Variants in COBLL1 observed in about 807,000 individuals in gnomAD.
COBLL1 encodes the protein cordon-bleu WH2 repeat protein like 1.
In COBLL1, 50 loss-of-function variants were observed where a neutral mutation model predicts 94.8. The ratio of observed to expected loss-of-function variants is 0.53; its 90% CI spans 0.42 to 0.67. COBLL1 has a LOEUF of 0.67. COBLL1 is among the 30% of genes least tolerant of loss of function. The pLI, the probability that COBLL1 is intolerant of heterozygous loss-of-function variation, is 0.00. For missense variants in COBLL1, 1,362 were observed against 1,348.7 expected (o/e 1.01, Z -0.15); for synonymous variants, 448 against 473.8 (o/e 0.95, Z 0.71).
intron 7 of COBLL1, chr2:164,718,066 A>G (rs1685263255): frequency 6.2e-6 from 1 of 161,904 alleles, no homozygotes. Flanking sequence ...TTAACCACGT[A>G]CTTCTGAAAA....
chr2:164,730,177 C>T, intron 3 of COBLL1, 62 bp from the exon 4 acceptor site: 1 of 1,364,988 alleles, frequency 7.3e-7, no homozygotes, highest in East Asian at 2.3e-5. Context: ...GAATGCTTGT[C>T]TTCAATAGAT....
chr2:164,727,088 C>T, intron 5 of COBLL1: 1 of 1,373,850 alleles, frequency 7.3e-7, no homozygotes, highest in South Asian at 1.4e-5. Context: ...TTTGTTTCTA[C>T]TGATTCATAC....
chr2:164,775,024 C>T (rs1045690801), intron 2 of COBLL1, among the ~76,000 whole-genome samples: 6 of 151,864 alleles, frequency 4.0e-5, no homozygotes, highest in Admixed American at 2.6e-4. Context: ...CAGGTTAGCA[C>T]GGCAGTACAT....
intron 2 of COBLL1, among the ~76,000 whole-genome samples, chr2:164,769,793 C>T (rs527393337): frequency 6.6e-6 from 1 of 152,048 alleles, no homozygotes; most frequent in Admixed American, 6.6e-5. Flanking sequence ...ACATATACCC[C>T]CCCCAGAGCA....
At chr2:164,783,752 G>A (rs1278457910) in intron 2 of COBLL1, among the ~76,000 whole-genome samples, 2 of 151,994 alleles carry the variant, frequency 1.3e-5, no homozygotes, top group African/African-American at 2.4e-5. Flanking sequence ...AGGATAGCAC[G>A]AGCCAGGAGT....
chr2:164,679,962 A>ATAC (rs545920367), downstream of COBLL1, among the ~76,000 whole-genome samples: 1 of 151,466 alleles, frequency 6.6e-6, no homozygotes, highest in East Asian at 1.9e-4. Context: ...AATAATAATA[A>ATAC]TACTGTGCTC....
At chr2:164,691,081 G>A (rs931458126) in intron 13 of COBLL1, among the ~76,000 whole-genome samples, 3 of 152,062 alleles carry the variant, frequency 2.0e-5, no homozygotes, top group Admixed American at 1.3e-4. Context: ...ATTCCCTCCT[G>A]TTTCCTCCAC....
At chr2:164,779,557 C>A in intron 2 of COBLL1, 1 of 425,996 alleles carries the variant, frequency 2.3e-6, no homozygotes, top group Non-Finnish European at 4.9e-6. Flanking sequence ...ACCTGTCCTG[C>A]CCTGCCCCAC....
intron 2 of COBLL1, among the ~76,000 whole-genome samples, chr2:164,797,198 C>A (rs78744776): frequency 1.3e-5 from 2 of 152,164 alleles, no homozygotes; most frequent in Non-Finnish European, 2.9e-5. Context: ...CTCTCATGTG[C>A]AAGCATTACC....
chr2:164,693,297 T>G (rs1372469098), intron 12 of COBLL1, among the ~76,000 whole-genome samples: 1 of 152,088 alleles, frequency 6.6e-6, no homozygotes, highest in African/African-American at 2.4e-5. Context: ...GTAATAAACA[T>G]AAATGTAAAA....
At chr2:164,788,851 A>G (rs898443237) in intron 2 of COBLL1, among the ~76,000 whole-genome samples, 6 of 151,444 alleles carry the variant, frequency 4.0e-5, no homozygotes, top group Non-Finnish European at 7.4e-5. Flanking sequence ...AAAAAAAAAA[A>G]GCCAGATAAC....
At chr2:164,657,939 T>A (rs377750271) in intron 2 of COBLL1, among the ~76,000 whole-genome samples, 12 of 151,702 alleles carry the variant, frequency 7.9e-5, no homozygotes, top group Admixed American at 2.6e-4. Context: ...TAGAGTGAAG[T>A]AGAGTGAAAA....
At chr2:164,713,326 C>T (rs1046339913) in intron 7 of COBLL1, among the ~76,000 whole-genome samples, 8 of 152,134 alleles carry the variant, frequency 5.3e-5, no homozygotes, top group Admixed American at 6.5e-5. Context: ...ACTATAATAA[C>T]GAGAGAAGAA....
At chr2:164,748,525 G>A (rs867900297) in intron 2 of COBLL1, among the ~76,000 whole-genome samples, 1 of 152,068 alleles carries the variant, frequency 6.6e-6, no homozygotes. Flanking sequence ...AGAATACTAA[G>A]TTTTTAAAAT....
intron 2 of COBLL1, among the ~76,000 whole-genome samples, chr2:164,788,106 T>C (rs1026425017): frequency 5.9e-5 from 9 of 152,132 alleles, no homozygotes; most frequent in African/African-American, 2.2e-4. Flanking sequence ...TGGGCACTGA[T>C]TGGCCTAAAC....
At chr2:164,791,157 C>T (rs1442457988) in intron 2 of COBLL1, among the ~76,000 whole-genome samples, 2 of 152,146 alleles carry the variant, frequency 1.3e-5, no homozygotes, top group Non-Finnish European at 2.9e-5. Flanking sequence ...GAACACTCTC[C>T]TAGTGTTATA....
chr2:164,704,861 A>G, intron 8 of COBLL1, 91 bp downstream of exon 8: 1 of 1,307,348 alleles, frequency 7.6e-7, no homozygotes, highest in Non-Finnish European at 1.0e-6. Context: ...GTATTATTTA[A>G]AAAGCATAAC....
chr2:164,747,145 C>A (rs1380387561), intron 2 of COBLL1, among the ~76,000 whole-genome samples: 4 of 151,662 alleles, frequency 2.6e-5, no homozygotes, highest in Non-Finnish European at 1.5e-5. Context: ...TCCTTACCAC[C>A]AAAAAATAAA....
At chr2:164,665,431 C>A (rs1574385177) in intron 2 of COBLL1, among the ~76,000 whole-genome samples, 2 of 142,922 alleles carry the variant, frequency 1.4e-5, no homozygotes, top group Admixed American at 7.0e-5. Flanking sequence ...CAGTCAGTAA[C>A]AGGAAAGAGT....
Sources: allele counts gnomAD v4.1 joint callset (sites outside exome capture counted in the v4.1 genomes callset), GRCh38; gene constraint gnomAD v4.1.1; transcripts MANE v1.5; gene names NCBI Gene and HGNC (gene_info 2026-07-23, HGNC 2026-07-21).